COL21A1: variants seen among roughly 807,000 people sequenced by gnomAD.
COL21A1 encodes collagen alpha-1(XXI) chain.
A neutral mutation model predicts 137.9 loss-of-function variants in COL21A1; 149 were observed. The observed-to-expected ratio is 1.08, with a 90% CI of 0.95 to 1.24. The LOEUF (loss-of-function observed/expected upper bound fraction) is 1.24. COL21A1 is among the 50% of genes most tolerant of loss of function. The pLI is 0.00. For synonymous variants in COL21A1, 456 were observed against 391.5 expected, an observed-to-expected ratio of 1.16 and a Z score of -1.95; for missense variants, 1,167 against 1,158.4, an observed-to-expected ratio of 1.01 and a Z score of -0.11.
At chr6:56,144,914 T>A (rs958653144) in intron 10 of COL21A1, among the ~76,000 whole-genome samples, 1 of 152,242 alleles carries the variant, frequency 6.6e-6, no homozygotes, top group African/African-American at 2.4e-5. Context: ...TTTCTTACCA[T>A]AAACTGTTAT....
At chr6:56,183,675 G>T (rs1311223787) in intron 1 of COL21A1, among the ~76,000 whole-genome samples, 1 of 152,130 alleles carries the variant, frequency 6.6e-6, no homozygotes, top group Non-Finnish European at 1.5e-5. Context: ...TTGAAAAGAA[G>T]CAAGAAATTT....
chr6:56,304,629 CTTT>C (rs1764391820), intron 1 of COL21A1, among the ~76,000 whole-genome samples: 1 of 151,946 alleles, frequency 6.6e-6, no homozygotes, highest in Non-Finnish European at 1.5e-5. Flanking sequence ...CTCTTTTCTT[CTTT>C]ATTAGTCTTG....
chr6:56,246,722 G>A (rs1272531495), intron 1 of COL21A1, among the ~76,000 whole-genome samples: 1 of 152,176 alleles, frequency 6.6e-6, no homozygotes, highest in Non-Finnish European at 1.5e-5. Flanking sequence ...TAGAGCCCTA[G>A]ATTTTGTTTG....
intron 1 of COL21A1, among the ~76,000 whole-genome samples, chr6:56,352,580 A>T (rs1421253997): frequency 6.6e-6 from 1 of 152,200 alleles, no homozygotes; most frequent in Non-Finnish European, 1.5e-5. Context: ...AGGGGAGATT[A>T]AATGAAAATT....
intron 1 of COL21A1, among the ~76,000 whole-genome samples, chr6:56,260,649 A>AGAG (rs1562028860): frequency 6.9e-5 from 3 of 43,378 alleles, no homozygotes; most frequent in Non-Finnish European, 1.7e-4. Flanking sequence ...GGAAGGAAGG[A>AGAG]AGGAAGGAAT....
chr6:56,260,676 G>T (rs1430773524), intron 1 of COL21A1, among the ~76,000 whole-genome samples: 3 of 131,374 alleles, frequency 2.3e-5, no homozygotes, highest in African/African-American at 6.4e-5. Flanking sequence ...AGGAAGGAAG[G>T]AAGGAAGGAA....
intron 1 of COL21A1, among the ~76,000 whole-genome samples, chr6:56,315,535 G>A (rs986786266): frequency 3.3e-5 from 5 of 151,854 alleles, no homozygotes; most frequent in Non-Finnish European, 5.9e-5. Flanking sequence ...TTAGATCCGG[G>A]TTGAATCTTG....
At chr6:56,341,652 T>C (rs1765470815) in intron 1 of COL21A1, among the ~76,000 whole-genome samples, 1 of 152,200 alleles carries the variant, frequency 6.6e-6, no homozygotes, top group Non-Finnish European at 1.5e-5. Context: ...ATTACAATGA[T>C]GGATATGTGT....
At chr6:56,086,761 T>G (rs1397469072) in intron 17 of COL21A1, among the ~76,000 whole-genome samples, 1 of 152,146 alleles carries the variant, frequency 6.6e-6, no homozygotes, top group Admixed American at 6.6e-5. Context: ...CTAGAAAGGT[T>G]CCTATAAGGC....
At chr6:56,339,723 G>A (rs1765424162) in intron 1 of COL21A1, among the ~76,000 whole-genome samples, 1 of 152,182 alleles carries the variant, frequency 6.6e-6, no homozygotes, top group Non-Finnish European at 1.5e-5. Flanking sequence ...AGCTTGTGCA[G>A]ACACCATGAG....
intron 1 of COL21A1, among the ~76,000 whole-genome samples, chr6:56,205,830 T>G (rs6914892): frequency 1.4e-4 from 21 of 151,532 alleles, no homozygotes; most frequent in African/African-American, 5.1e-4. Context: ...ACCAATATTC[T>G]ACATTCGTAA....
intron 10 of COL21A1, among the ~76,000 whole-genome samples, chr6:56,148,982 T>C (rs932653767): frequency 2.6e-5 from 4 of 152,192 alleles, no homozygotes; most frequent in African/African-American, 9.6e-5. Flanking sequence ...TCTCTCTCAA[T>C]ACAGATGTTA....
In COL21A1 at chr6:56,057,547, A is replaced by G. The variant is rs3734907; in HGVS notation, c.*110T>C. The G allele has an allele frequency of 0.013, 12,782 of 974,618 alleles. 250 individuals are homozygous for G. The highest frequency in any genetic ancestry group is 0.069 in the East Asian group (2,605 of 37,820). The allele number at this position is 974,618 out of a possible 1,614,324, so 60.4% of individuals were successfully genotyped here. ...TCCATAAGAAAAAAAAAATAAAAAC[A>G]CCGAGGTACTTAAGTTTCTTTTCAA... On this transcript the variant is annotated 3_prime_UTR_variant, in exon 30 of 30. Transcript: ENST00000244728.
chr6:56,124,361 A>G, intron 14 of COL21A1, 69 bp from the exon 15 acceptor site: 1 of 1,398,474 alleles, frequency 7.2e-7, no homozygotes, highest in Non-Finnish European at 9.9e-7. Flanking sequence ...CCAAAACTTA[A>G]ATAGAAAAGC....
At chr6:56,304,372 T>C (rs36149345) in intron 1 of COL21A1, among the ~76,000 whole-genome samples, 4 of 151,526 alleles carry the variant, frequency 2.6e-5, no homozygotes, top group Middle Eastern at 3.4e-3. Flanking sequence ...TGGACTTTTT[T>C]TGGTTGGTAA....
At chr6:56,149,526 A>T (rs747443886) in intron 10 of COL21A1, among the ~76,000 whole-genome samples, 25 of 152,310 alleles carry the variant, frequency 1.6e-4, no homozygotes, top group South Asian at 1.0e-3. Flanking sequence ...ACTCATCCTA[A>T]ATGTCAGACT....
At chr6:56,216,959 C>T (rs1188574586) in intron 1 of COL21A1, among the ~76,000 whole-genome samples, 1 of 151,950 alleles carries the variant, frequency 6.6e-6, no homozygotes, top group Non-Finnish European at 1.5e-5. Flanking sequence ...TCCAAAGCAA[C>T]CTACAAGTAT....
chr6:56,189,223 A>G (rs1778502347), intron 1 of COL21A1, among the ~76,000 whole-genome samples: 1 of 152,062 alleles, frequency 6.6e-6, no homozygotes, highest in Non-Finnish European at 1.5e-5. Flanking sequence ...AACCTTGAAA[A>G]AAGGTTAGAT....
intron 1 of COL21A1, among the ~76,000 whole-genome samples, chr6:56,183,371 T>G (rs1778040116): frequency 6.6e-6 from 1 of 152,176 alleles, no homozygotes; most frequent in Admixed American, 6.5e-5. Context: ...TAGAAATGAT[T>G]CACAACTGCT....
Sources: allele counts gnomAD v4.1 joint callset (sites outside exome capture counted in the v4.1 genomes callset), GRCh38; gene constraint gnomAD v4.1.1; transcripts MANE v1.5; gene names NCBI Gene and HGNC (gene_info 2026-07-23, HGNC 2026-07-21).